Variants in SENP6 observed in about 807,000 individuals in gnomAD.
The protein encoded by SENP6 is sentrin-specific protease 6.
SENP6 carries 41 observed loss-of-function variants against 134.5 expected under a neutral mutation model. That is an observed-to-expected ratio of 0.30 (90% confidence interval 0.24 to 0.40). The LOEUF is 0.40. SENP6 is among the 10% of genes least tolerant of loss of function. The pLI, the probability that SENP6 is intolerant of heterozygous loss-of-function variation, is 1.00. For synonymous variants in SENP6, 395 were observed against 429.8 expected (o/e 0.92, Z 1.00); for missense variants, 1,248 against 1,312.5 (o/e 0.95, Z 0.76).
chr6:75,660,963 C>T (rs184837931), intron 8 of SENP6, among the ~76,000 whole-genome samples: 67 of 152,176 alleles, frequency 4.4e-4, no homozygotes, highest in African/African-American at 1.6e-3. Context: ...GCCCTAGAGT[C>T]ATTCATTTCT....
At position 75,666,696 on chromosome 6, in the gene SENP6, A is replaced by T. The variant is rs749435949; in HGVS notation, c.995-16A>T. ...ATAGTTTTAATATAAATTATAAATT[A>T]TTAAAATACTTTTAGTCATTTTGTC... On this transcript the variant is annotated splice_polypyrimidine_tract_variant and intron_variant, in intron 9 of 23. Transcript: ENST00000447266. 27 of 1,213,086 alleles carry T rather than the reference A, an allele frequency of 2.2e-5. No homozygotes were observed. Among genetic ancestry groups the T allele is most frequent in the Non-Finnish European group, 2.8e-5 (26 of 912,598 alleles). 75.1% of individuals were successfully genotyped at this position (1,213,086 alleles called of 1,614,324 possible). A position where few individuals can be genotyped will look rare whatever the true frequency, so the allele number is the denominator to read the frequency against.
Position 75,663,386 on chromosome 6 carries a change from A to G in SENP6, c.862A>G (p.Ile288Val). ...NNVEKVPIDIIVNCDDSKHTY... is the reference protein window; with the variant it reads ...NNVEKVPIDIVVNCDDSKHTY... ...TGTGGAAAAGGTTCCAATTGATATT[A>G]TTGTGAATTGTGATGACAGTAAACA... The change falls in exon 9 of 24, where the codon ATT becomes GTT. Residue 288 changes from isoleucine (I) to valine (V), a missense_variant. Transcript: ENST00000447266. The G allele has an allele frequency of 6.2e-7, 1 of 1,613,832 alleles. No homozygotes were observed. The highest frequency in any genetic ancestry group is 8.5e-7 in the Non-Finnish European group (1 of 1,179,842).
chr6:75,672,444 A>G (rs926114996), intron 11 of SENP6, among the ~76,000 whole-genome samples: 2 of 152,364 alleles, frequency 1.3e-5, no homozygotes, highest in Admixed American at 6.5e-5. Context: ...GTAACATAAA[A>G]TGTGTCAGTT....
intron 1 of SENP6, among the ~76,000 whole-genome samples, chr6:75,620,450 C>T (rs1768182664): frequency 6.6e-6 from 1 of 152,136 alleles, no homozygotes; most frequent in African/African-American, 2.4e-5. Flanking sequence ...CAAATGGTGC[C>T]TTCTGGCTGT....
chr6:75,651,810 T>C lies in SENP6; in HGVS notation c.550+4009T>C, dbSNP rs1340663894. ...TAACTTGCTTTCTGACTTTATGATATCTAGTTTTTACACTCTCATTAAAAG... is the reference window on the plus strand; with the variant it reads ...TAACTTGCTTTCTGACTTTATGATACCTAGTTTTTACACTCTCATTAAAAG... On this transcript the variant is annotated intron_variant, in intron 7 of 23. Coordinates refer to ENST00000447266, the MANE Select transcript of SENP6 (RefSeq NM_015571.4). Among the ~76,000 whole-genome samples, 4 of 152,204 alleles carry C rather than the reference T, an allele frequency of 2.6e-5. No individual in the cohort carries two copies. In the East Asian group the frequency reaches 5.8e-4, roughly 22 times the overall value.
At position 75,647,777 on chromosome 6, in the gene SENP6, A is replaced by G; in HGVS notation, c.526A>G (p.Arg176Gly). The G allele has an allele frequency of 1.2e-6, 2 of 1,613,044 alleles. No individual in the cohort carries two copies. Among genetic ancestry groups the G allele is most frequent in the Non-Finnish European group, 1.7e-6 (2 of 1,179,258 alleles). ...CCAAAAAGTTGAAATTAATCCTGTA[A>G]GGTTAAGTCGGCTCCAAGGTGTTGG... is the stretch of plus-strand genomic sequence containing the variant. ...HVQKVEINPV[R>G]LSRLQGVERI... is the part of the protein sequence containing the mutation. The change falls in exon 7 of 24, where the codon AGG becomes GGG. Residue 176 changes from arginine (R) to glycine (G), a missense_variant. Arg to Gly is a moderately radical substitution (Grantham distance 125). Transcript: ENST00000447266.
chr6:75,697,528 A>C lies in SENP6; in HGVS notation c.2288+11A>C. 1 of 1,574,076 alleles carries C rather than the reference A, an allele frequency of 6.4e-7. No homozygotes were observed. Among genetic ancestry groups the C allele is most frequent in the East Asian group, 2.2e-5 (1 of 44,658 alleles). ...ACCCCTTAATGAAGCGTGAGTAAGAATTTCCTTTAAAGGAAAATCTTTAAA... is the reference window on the plus strand; with the variant it reads ...ACCCCTTAATGAAGCGTGAGTAAGACTTTCCTTTAAAGGAAAATCTTTAAA... On this transcript the variant is annotated intron_variant, in intron 18 of 23. Coordinates refer to ENST00000447266, the MANE Select transcript of SENP6 (RefSeq NM_015571.4).
At chr6:75,609,851 C>T (rs1767311693) in intron 1 of SENP6, among the ~76,000 whole-genome samples, 1 of 152,176 alleles carries the variant, frequency 6.6e-6, no homozygotes, top group South Asian at 2.1e-4. Context: ...GCCATCTCAG[C>T]TCACTGGCTG....
At chr6:75,641,282 CTCCTT>C (rs1180901869) in intron 6 of SENP6, among the ~76,000 whole-genome samples, 11 of 152,288 alleles carry the variant, frequency 7.2e-5, no homozygotes, top group African/African-American at 1.7e-4. Flanking sequence ...TAATAAGTGA[CTCCTT>C]TCTTTTAAAA....
At chr6:75,634,866 T>C (rs1769386496) in intron 5 of SENP6, 55 bp downstream of exon 5, 1 of 1,167,306 alleles carries the variant, frequency 8.6e-7, no homozygotes, top group African/African-American at 1.5e-5. Context: ...CTTCAATAGG[T>C]TTTCACTTTT....
chr6:75,607,095 C>T (rs552043053), intron 1 of SENP6, among the ~76,000 whole-genome samples: 1 of 152,246 alleles, frequency 6.6e-6, no homozygotes, highest in East Asian at 1.9e-4. Flanking sequence ...CGCCTGTAAT[C>T]CCAGCATTTT....
At chr6:75,612,997 C>T (rs1767575582) in intron 1 of SENP6, among the ~76,000 whole-genome samples, 1 of 151,996 alleles carries the variant, frequency 6.6e-6, no homozygotes, top group South Asian at 2.1e-4. Flanking sequence ...GCCTGTAATC[C>T]CAGCTACTTG....
At chr6:75,645,348 G>A (rs551479752) in intron 6 of SENP6, among the ~76,000 whole-genome samples, 1 of 152,228 alleles carries the variant, frequency 6.6e-6, no homozygotes, top group South Asian at 2.1e-4. Flanking sequence ...AGGTGTGGTG[G>A]TTTATGCCTG....
intron 6 of SENP6, 60 bp downstream of exon 6, chr6:75,640,764 A>G (rs1228465533): frequency 1.6e-5 from 17 of 1,069,310 alleles, no homozygotes; most frequent in Admixed American, 1.2e-4. Context: ...AAAATTATTT[A>G]TATGTTTTGA....
intron 16 of SENP6, among the ~76,000 whole-genome samples, chr6:75,683,560 A>G (rs1773612419): frequency 1.3e-5 from 2 of 151,970 alleles, no homozygotes; most frequent in South Asian, 4.2e-4. Context: ...ATCCATCTTG[A>G]ATTAGTTTTT....
intron 18 of SENP6, among the ~76,000 whole-genome samples, chr6:75,700,087 T>G (rs1043998456): frequency 6.6e-6 from 1 of 152,002 alleles, no homozygotes; most frequent in Non-Finnish European, 1.5e-5. Flanking sequence ...TTTTTTAAAA[T>G]TTTTTTGGAG....
At chr6:75,681,070 A>G (rs1450880319) in intron 16 of SENP6, among the ~76,000 whole-genome samples, 1 of 152,160 alleles carries the variant, frequency 6.6e-6, no homozygotes, top group Non-Finnish European at 1.5e-5. Context: ...GAAGACACAA[A>G]TGTCAGAATT....
At position 75,663,324 on chromosome 6, in the gene SENP6, A is replaced by G. The variant is rs372661703; in HGVS notation, c.800A>G (p.Asn267Ser). The G allele has an allele frequency of 2.5e-6, 4 of 1,613,730 alleles. No homozygotes were observed. Among genetic ancestry groups the G allele is most frequent in the Non-Finnish European group, 3.4e-6 (4 of 1,179,854 alleles). The change falls in exon 9 of 24, where the codon AAC becomes AGC. Residue 267 changes from asparagine (N) to serine (S), a missense_variant. Physicochemically the swap from Asn to Ser is conservative, Grantham distance 46 (BLOSUM62 1). This residue lies in a region of SENP6 where 733 missense variants were observed against 725.4 expected (regional missense o/e 1.01). Transcript: ENST00000447266. The part of the protein sequence containing the change: ...HQNSGGQKSQ[N>S]TGLTTKKFYG... ...AATTCTGGAGGACAGAAGTCACAAA[A>G]CACAGGATTAACAACCAAGAAGTTT...
intron 8 of SENP6, among the ~76,000 whole-genome samples, chr6:75,662,440 C>G (rs1771859241): frequency 6.6e-6 from 1 of 151,940 alleles, no homozygotes; most frequent in African/African-American, 2.4e-5. Context: ...CAGGTTTAGT[C>G]AGTTTTTGTT....
Sources: gnomAD v4.1 joint callset for allele counts (sites outside exome capture counted in the v4.1 genomes callset) on GRCh38, gnomAD v4.1.1 for gene constraint, gnomAD v4.1.1 regional missense constraint, MANE v1.5 for transcripts, NCBI Gene and HGNC (gene_info 2026-07-23, HGNC 2026-07-21) for gene names.